MYRIP: variants seen among roughly 807,000 people sequenced by gnomAD.
The protein encoded by MYRIP is rab effector MyRIP.
A neutral mutation model predicts 98.0 loss-of-function variants in MYRIP; 49 were observed. The ratio of observed to expected loss-of-function variants is 0.50; its 90% CI spans 0.40 to 0.63. The LOEUF is 0.63. MYRIP is among the 30% of genes least tolerant of loss of function. The pLI is 0.00. For synonymous variants in MYRIP, 404 were observed against 409.5 expected, an observed-to-expected ratio of 0.99 and a Z score of 0.16; for missense variants, 1,004 against 1,058.2, an observed-to-expected ratio of 0.95 and a Z score of 0.71.
chr3:40,141,733 T>G lies in MYRIP; in HGVS notation c.333-9315T>G, dbSNP rs1949899896. On this transcript the variant is annotated intron_variant, in intron 3 of 16. Transcript: ENST00000302541. ...TCTCCAGTGAGTGTTCTTGGCACCT[T>G]TATCAAAAATCAGTTAGCTGTAAAT... Among the ~76,000 whole-genome samples, 3 of 152,202 alleles carry G rather than the reference T, an allele frequency of 2.0e-5. No individual in the cohort carries two copies. In the South Asian group the frequency reaches 6.2e-4, roughly 31 times the overall value.
At chr3:40,126,937 C>T (rs1480502026) in intron 3 of MYRIP, among the ~76,000 whole-genome samples, 2 of 152,188 alleles carry the variant, frequency 1.3e-5, no homozygotes, top group Non-Finnish European at 2.9e-5. Flanking sequence ...CAGACCTCAG[C>T]AGGCAGGAGA....
At chr3:39,846,874 G>A (rs1412692171) in intron 1 of MYRIP, among the ~76,000 whole-genome samples, 1 of 152,144 alleles carries the variant, frequency 6.6e-6, no homozygotes, top group Non-Finnish European at 1.5e-5. Context: ...AGTTCCCATT[G>A]GAAGGCTAGC....
chr3:39,813,371 C>G (rs1041489988), intron 1 of MYRIP, among the ~76,000 whole-genome samples: 1 of 152,140 alleles, frequency 6.6e-6, no homozygotes, highest in Non-Finnish European at 1.5e-5. Flanking sequence ...ATTGTCAGCA[C>G]GACTGAGATG....
chr3:39,842,392 A>T (rs1489620274), intron 1 of MYRIP, among the ~76,000 whole-genome samples: 2 of 152,102 alleles, frequency 1.3e-5, no homozygotes, highest in Non-Finnish European at 2.9e-5. Context: ...TTAGCTTGCT[A>T]GGCTCTGTGG....
intron 2 of MYRIP, among the ~76,000 whole-genome samples, chr3:39,909,275 T>G (rs1159266390): frequency 6.6e-6 from 1 of 152,174 alleles, no homozygotes; most frequent in Non-Finnish European, 1.5e-5. Context: ...CACAAGATTA[T>G]TTTTAAAACT....
intron 10 of MYRIP, among the ~76,000 whole-genome samples, chr3:40,197,461 T>G (rs1415745199): frequency 6.6e-6 from 1 of 152,216 alleles, no homozygotes; most frequent in Non-Finnish European, 1.5e-5. Context: ...AACCCCCTGA[T>G]GGACATAGAT....
chr3:40,094,952 C>A (rs1344108123), intron 3 of MYRIP, among the ~76,000 whole-genome samples: 1 of 152,184 alleles, frequency 6.6e-6, no homozygotes, highest in Non-Finnish European at 1.5e-5. Context: ...ACCTCCCTCC[C>A]CAACACTGAA....
chr3:40,081,332 T>C (rs1948475655), intron 3 of MYRIP, among the ~76,000 whole-genome samples: 1 of 152,232 alleles, frequency 6.6e-6, no homozygotes, highest in African/African-American at 2.4e-5. Flanking sequence ...GAAAAAGGCA[T>C]TTCAAAATCT....
chr3:40,133,518 A>T (rs938541307), intron 3 of MYRIP, among the ~76,000 whole-genome samples: 18 of 152,340 alleles, frequency 1.2e-4, no homozygotes, highest in African/African-American at 4.1e-4. Context: ...TGCTTAGAGA[A>T]GAAGTGAGAA....
chr3:40,162,168 A>T lies in MYRIP; in HGVS notation c.470-562A>T, dbSNP rs575224366. ...CACTGTGCTGTGAACCATCCCATCA[A>T]AGCACTTAACCTATCTATAATTTTA... On this transcript the variant is annotated intron_variant, in intron 4 of 16. Transcript: ENST00000302541. Among the ~76,000 whole-genome samples, 56 of 152,128 alleles carry T rather than the reference A, an allele frequency of 3.7e-4. No homozygotes were observed. In the South Asian group the frequency reaches 0.011, roughly 29 times the overall value.
At chr3:39,985,530 A>C (rs1182168599) in intron 2 of MYRIP, among the ~76,000 whole-genome samples, 1 of 136,590 alleles carries the variant, frequency 7.3e-6, no homozygotes, top group Non-Finnish European at 1.5e-5. Flanking sequence ...ACAAAGCTGG[A>C]GGCATCACGC....
At chr3:39,976,734 T>A (rs1462151857) in intron 2 of MYRIP, among the ~76,000 whole-genome samples, 6 of 152,174 alleles carry the variant, frequency 3.9e-5, no homozygotes, top group East Asian at 1.9e-4. Context: ...GATGAGTTCC[T>A]TGTCCTTTGT....
intron 2 of MYRIP, among the ~76,000 whole-genome samples, chr3:39,908,689 G>A (rs1315303244): frequency 6.6e-6 from 1 of 152,082 alleles, no homozygotes; most frequent in African/African-American, 2.4e-5. Flanking sequence ...TTTATTATAA[G>A]AACTTAGTAG....
chr3:40,046,709 G>T (rs1415101621), intron 3 of MYRIP, among the ~76,000 whole-genome samples: 1 of 151,636 alleles, frequency 6.6e-6, no homozygotes. Flanking sequence ...AAGTGATTGG[G>T]TCAGTTTGTG....
chr3:40,179,508 G>T (rs371702729), intron 8 of MYRIP, among the ~76,000 whole-genome samples: 3 of 152,138 alleles, frequency 2.0e-5, no homozygotes, highest in Admixed American at 2.0e-4. Flanking sequence ...CTGCAAAAAT[G>T]AAATATTAAG....
chr3:40,011,354 T>C (rs1946756220), intron 2 of MYRIP, among the ~76,000 whole-genome samples: 1 of 152,104 alleles, frequency 6.6e-6, no homozygotes, highest in South Asian at 2.1e-4. Flanking sequence ...GGAGGAAGGG[T>C]ACTTCCCTTC....
Position 40,190,121 on chromosome 3 carries a change from C to G in MYRIP, c.1323C>G (p.Ser441=), listed in dbSNP as rs142497355. The change falls in exon 10 of 17, where the codon TCC becomes TCG. Residue 441 remains serine (S), a synonymous_variant. Transcript: ENST00000302541. ...SDQGPIAASP[S]SALSPNPEAM... ...AAGGCCCCATAGCTGCCTCCCCATC[C>G]TCTGCACTCTCCCCCAACCCTGAGG... The G allele has an allele frequency of 1.9e-6, 3 of 1,614,112 alleles. No homozygotes were observed. In the Admixed American group the frequency reaches 5.0e-5, roughly 27 times the overall value.
At chr3:40,035,712 A>T (rs1489810274) in intron 2 of MYRIP, among the ~76,000 whole-genome samples, 2 of 152,064 alleles carry the variant, frequency 1.3e-5, no homozygotes. Flanking sequence ...TATAAAAATC[A>T]GTAAAATTTC....
At chr3:40,059,740 C>T (rs1436465604) in intron 3 of MYRIP, among the ~76,000 whole-genome samples, 1 of 152,092 alleles carries the variant, frequency 6.6e-6, no homozygotes, top group Admixed American at 6.6e-5. Context: ...TCTTAACTTC[C>T]AGACTGGGTT....
Sources: allele counts gnomAD v4.1 joint callset (sites outside exome capture counted in the v4.1 genomes callset), GRCh38; gene constraint gnomAD v4.1.1; transcripts MANE v1.5; gene names NCBI Gene and HGNC (gene_info 2026-07-23, HGNC 2026-07-21).